The following MAU2 variants were observed in gnomAD, a reference collection of about 807,000 sequenced individuals.
MAU2 encodes MAU2 sister chromatid cohesion factor.
MAU2 carries 9 observed loss-of-function variants against 89.1 expected under a neutral mutation model. That is an observed-to-expected ratio of 0.10 (90% CI 0.06 to 0.18). The LOEUF (loss-of-function observed/expected upper bound fraction) is 0.18, where lower values mean the gene tolerates loss of function less well. Among genes scored for constraint, MAU2 ranks in the 10% least tolerant of loss-of-function variants. The pLI, the probability that MAU2 is intolerant of heterozygous loss-of-function variation, is 1.00. For missense variants in MAU2, 425 were observed against 803.5 expected, an observed-to-expected ratio of 0.53 and a Z score of 5.69; for synonymous variants, 357 against 343.4, an observed-to-expected ratio of 1.04 and a Z score of -0.44.
chr19:19,346,379 A>C (rs192133788), intron 12 of MAU2, among the ~76,000 whole-genome samples: 1 of 152,126 alleles, frequency 6.6e-6, no homozygotes, highest in East Asian at 1.9e-4. Context: ...CAAAGTTCCC[A>C]AGGCCATGTA....
Position 19,336,140 on chromosome 19 carries a change from G to A in MAU2, c.313G>A (p.Val105Ile). 1.2e-6 allele frequency: 2 copies of A among 1,613,538 alleles called. No homozygotes were observed. The highest frequency in any genetic ancestry group is 1.7e-6 in the Non-Finnish European group (2 of 1,179,548). Residue 105 changes from valine to isoleucine, a missense_variant, in exon 3 of 19, where the codon GTT becomes ATT. Around this residue, in one of 11 missense-constraint regions of MAU2, gnomAD observed 119 missense variants for 299.8 expected, o/e 0.40. Coordinates refer to ENST00000262815, the MANE Select transcript of MAU2 (RefSeq NM_015329.4). ...ISQQIPQFED[V>I]KFEAASLLSE... ...TCACTAGATCCCGCAGTTCGAAGAT[G>A]TTAAATTTGAAGCAGCAAGTCTGTT...
intron 4 of MAU2, among the ~76,000 whole-genome samples, chr19:19,337,864 C>T (rs1367587290): frequency 6.6e-6 from 1 of 152,240 alleles, no homozygotes; most frequent in Non-Finnish European, 1.5e-5. Context: ...CTCCACAGTG[C>T]TCGGTTGTTG....
At chr19:19,343,752 C>T (rs1023867711) in intron 9 of MAU2, 85 bp from the exon 10 acceptor site, 16 of 960,580 alleles carry the variant, frequency 1.7e-5, no homozygotes, top group Admixed American at 5.2e-5. Context: ...TGGCAGGAGA[C>T]AGGAACGAGG....
chr19:19,336,291 C>A, intron 3 of MAU2, 104 bp downstream of exon 3: 2 of 834,918 alleles, frequency 2.4e-6, no homozygotes, highest in Non-Finnish European at 3.9e-6. Flanking sequence ...ATCCCTCCGG[C>A]TTTTTTTGTT....
chr19:19,334,955 TG>T (rs1217111290), intron 1 of MAU2, among the ~76,000 whole-genome samples: 3 of 152,156 alleles, frequency 2.0e-5, no homozygotes, highest in Admixed American at 6.5e-5. Flanking sequence ...TCTGAATGTG[TG>T]TGGCACATGC....
At position 19,343,918 on chromosome 19, in the gene MAU2, A is replaced by C; in HGVS notation, c.1055A>C (p.His352Pro). The change falls in exon 10 of 19, where the codon CAC (histidine) becomes CCC (proline). Residue 352 changes from histidine (H) to proline (P), a missense_variant. Coordinates refer to ENST00000262815, the MANE Select transcript of MAU2 (RefSeq NM_015329.4). The part of the protein sequence containing the change: ...HIIMCRLVTG[H>P]KATALQEISQ... ...ATCATGTGCCGCCTTGTCACGGGTC[A>C]CAAGGCCACGGCGCTGCAGGAGGTA... 6.2e-7 allele frequency: 1 copy of C among 1,612,964 alleles called. No homozygotes were observed. The highest frequency in any genetic ancestry group is 8.5e-7 in the Non-Finnish European group (1 of 1,179,994).
chr19:19,326,716 A>ACACATATATATATGTGTATATATATG (rs1380736275), intron 1 of MAU2, among the ~76,000 whole-genome samples: 2 of 118,488 alleles, frequency 1.7e-5, no homozygotes, highest in Non-Finnish European at 3.5e-5. Context: ...ATATATATAT[A>ACACATATATATATGTGTATATATATG]TATACATATA....
At position 19,344,858 on chromosome 19, in the gene MAU2, G is replaced by A. The variant is rs779363857; in HGVS notation, c.1087G>A (p.Val363Ile). The change falls in exon 11 of 19, where the codon GTC becomes ATC. Residue 363 changes from valine to isoleucine, a missense_variant. Transcript: ENST00000262815. Reference protein sequence around the residue: ...KATALQEISQVCQLCQQSPRL... With the variant: ...KATALQEISQICQLCQQSPRL... Reference sequence around the variant, plus strand: ...CACTCTCTCCCGGCAGATCTCCCAGGTCTGCCAGCTGTGCCAGCAGTCCCC... The same window carrying A: ...CACTCTCTCCCGGCAGATCTCCCAGATCTGCCAGCTGTGCCAGCAGTCCCC... 5.0e-6 allele frequency: 8 copies of A among 1,613,470 alleles called. No individual in the cohort carries two copies. The highest frequency in any genetic ancestry group is 2.2e-5 in the East Asian group (1 of 44,872).
chr19:19,345,011 T>G lies in MAU2; in HGVS notation c.1155+85T>G. The stretch of plus-strand genomic sequence containing the variant: ...CTAACCAGATCCAGAACATTCCCAG[T>G]GAAGGACCCCCTGACAGCACCCTAA... On this transcript the variant is annotated intron_variant, in intron 11 of 18. Coordinates refer to ENST00000262815, the MANE Select transcript of MAU2 (RefSeq NM_015329.4). This position sits in a 1 kb window ranked among gnomAD's most constrained non-coding sequence, Gnocchi z 4.9. 1 of 1,259,910 alleles carries G rather than the reference T, an allele frequency of 7.9e-7. No individual in the cohort carries two copies. The highest frequency in any genetic ancestry group is 1.1e-6 in the Non-Finnish European group (1 of 876,124). The allele number at this position is 1,259,910 out of a possible 1,614,324, so 78.0% of individuals were successfully genotyped here.
At chr19:19,333,678 C>T (rs1298832576) in intron 1 of MAU2, among the ~76,000 whole-genome samples, 1 of 152,184 alleles carries the variant, frequency 6.6e-6, no homozygotes, top group East Asian at 1.9e-4. Context: ...GGGAGAGCAT[C>T]CCATGGCCAC....
chr19:19,335,458 A>G (rs2146673944), intron 1 of MAU2, among the ~76,000 whole-genome samples: 1 of 152,208 alleles, frequency 6.6e-6, no homozygotes, highest in Non-Finnish European at 1.5e-5. Context: ...GTCTGACTCC[A>G]AGTGCGAGCC....
intron 5 of MAU2, 143 bp downstream of exon 5, chr19:19,339,082 G>A: frequency 6.2e-6 from 4 of 645,490 alleles, no homozygotes; most frequent in South Asian, 6.1e-5. Flanking sequence ...GAAGGCCAAG[G>A]TAGGAGGATC....
intron 16 of MAU2, among the ~76,000 whole-genome samples, chr19:19,349,933 A>G (rs928234107): frequency 1.3e-5 from 2 of 149,548 alleles, no homozygotes; most frequent in East Asian, 2.0e-4. Context: ...CTTCCTGTCA[A>G]TTCCTCGCCT....
intron 10 of MAU2, chr19:19,344,326 A>G (rs1316403378): frequency 7.8e-6 from 2 of 257,782 alleles, no homozygotes; most frequent in Admixed American, 1.0e-4. Flanking sequence ...GCAGGAGAAT[A>G]GCCTGAACCC....
chr19:19,342,793 C>A lies in MAU2; in HGVS notation c.900C>A (p.Ser300=), dbSNP rs1274706648. The stretch of plus-strand genomic sequence containing the variant: ...GTCGCTAGGTGACTGTGATGCACTC[C>A]ATGCAGGCCGGCTACCTGGAGAAGG... The part of the protein sequence containing the change: ...VLVYLVTVMH[S]MQAGYLEKAQ... The change falls in exon 9 of 19, where the codon TCC becomes TCA. Residue 300 remains serine, a synonymous_variant. Transcript: ENST00000262815. 5 of 1,614,118 alleles carry A rather than the reference C, an allele frequency of 3.1e-6. No homozygotes were observed. The highest frequency in any genetic ancestry group is 4.2e-6 in the Non-Finnish European group (5 of 1,179,996).
Position 19,356,408 on chromosome 19 carries a change from T to C in MAU2, c.*626T>C. On this transcript the variant is annotated 3_prime_UTR_variant, in exon 19 of 19. Coordinates refer to ENST00000262815, the MANE Select transcript of MAU2 (RefSeq NM_015329.4). ...AACTCAGCTTCCAAACATCTGCACC[T>C]TGACCGGACTCGCCATCCCGCCGTG... 3.6e-6 allele frequency: 1 copy of C among 274,754 alleles called. No individual in the cohort carries two copies. Among genetic ancestry groups the C allele is most frequent in the Non-Finnish European group, 7.2e-6 (1 of 138,040 alleles). 17.0% of individuals were successfully genotyped at this position (274,754 alleles called of 1,614,324 possible). A position where few individuals can be genotyped will look rare whatever the true frequency, so the allele number is the denominator to read the frequency against.
At position 19,320,881 on chromosome 19, in the gene MAU2, G is replaced by T. The variant is rs1464417883; in HGVS notation, c.22G>T (p.Ala8Ser). The T allele has an allele frequency of 1.4e-6, 2 of 1,473,876 alleles. No homozygotes were observed. The highest frequency in any genetic ancestry group is 2.5e-5 in the South Asian group (2 of 79,460). 91.3% of individuals were successfully genotyped at this position (1,473,876 alleles called of 1,614,324 possible). The change falls in exon 1 of 19, where the codon GCG becomes TCG. Residue 8 changes from alanine to serine, a missense_variant. Physicochemically the swap from Ala to Ser is moderately conservative, Grantham distance 99. Around this residue, in one of 11 missense-constraint regions of MAU2, gnomAD observed 61 missense variants for 40.1 expected, o/e 1.52. Coordinates refer to ENST00000262815, the MANE Select transcript of MAU2 (RefSeq NM_015329.4). MAAQAAA[A>S]AQAAAAQAAQ... ...CAAAATGGCGGCTCAGGCGGCGGCA[G>T]CGGCCCAGGCGGCGGCGGCCCAGGC...
At position 19,355,807 on chromosome 19, in the gene MAU2, CGCAGGGCCTGCGCGTCTCCG is replaced by C; in HGVS notation, c.*28_*47del. 1 of 1,597,200 alleles carries C rather than the reference CGCAGGGCCTGCGCGTCTCCG, an allele frequency of 6.3e-7. No individual in the cohort carries two copies. The highest frequency in any genetic ancestry group is 1.7e-5 in the Admixed American group (1 of 60,028). ...AGGCCTTGATGGGGCCATCCAGCTC[CGCAGGGCCTGCGCGTCTCCG>C]GCTTCCACCCAGACGGCACTCAAGC... On this transcript the variant is annotated 3_prime_UTR_variant, in exon 19 of 19. Coordinates refer to ENST00000262815, the MANE Select transcript of MAU2 (RefSeq NM_015329.4).
rs375047199 is a variant in MAU2 at position 19,345,085 on chromosome 19, C to T, written c.1155+159C>T. 10 of 765,260 alleles carry T rather than the reference C, an allele frequency of 1.3e-5. No homozygotes were observed. Among genetic ancestry groups the T allele is most frequent in the South Asian group, 6.6e-5 (4 of 60,746 alleles). 47.4% of individuals were successfully genotyped at this position (765,260 alleles called of 1,614,324 possible). A position where few individuals can be genotyped will look rare whatever the true frequency, so the allele number is the denominator to read the frequency against. On this transcript the variant is annotated intron_variant, in intron 11 of 18. Transcript: ENST00000262815. The surrounding 1 kb of genome is among the most constrained non-coding windows in gnomAD (Gnocchi z 4.9). ...GGTAATCATATAACCTTCCCAGGCACGATCCGGAATGCTCCCAGTGAGCAT... is the reference window on the plus strand; with the variant it reads ...GGTAATCATATAACCTTCCCAGGCATGATCCGGAATGCTCCCAGTGAGCAT...
Sources: gnomAD v4.1 joint callset for allele counts (sites outside exome capture counted in the v4.1 genomes callset) on GRCh38, gnomAD v4.1.1 for gene constraint, gnomAD v4.1.1 regional missense constraint, Gnocchi (gnomAD v3.1) non-coding constraint, MANE v1.5 for transcripts, NCBI Gene and HGNC (gene_info 2026-07-23, HGNC 2026-07-21) for gene names.